TMEM117: variants seen among roughly 807,000 people sequenced by gnomAD.
TMEM117 encodes the protein transmembrane protein 117.
A neutral mutation model predicts 52.4 loss-of-function variants in TMEM117; 27 were observed. That is an observed-to-expected ratio of 0.51 (90% confidence interval 0.38 to 0.71). The LOEUF is 0.71. Among genes scored for constraint, TMEM117 ranks in the 30% least tolerant of loss-of-function variants. TMEM117 has a pLI of 0.00. For missense variants in TMEM117, 556 were observed against 630.5 expected (o/e 0.88, Z 1.26); for synonymous variants, 215 against 206.3 (o/e 1.04, Z -0.36).
chr12:44,137,494 C>G (rs1948507948), intron 3 of TMEM117, among the ~76,000 whole-genome samples: 1 of 152,028 alleles, frequency 6.6e-6, no homozygotes, highest in Non-Finnish European at 1.5e-5. Flanking sequence ...AGTGGAGGTT[C>G]TTCTTATCCA....
intron 4 of TMEM117, among the ~76,000 whole-genome samples, chr12:44,152,637 A>G (rs1283112299): frequency 2.3e-5 from 3 of 129,242 alleles, no homozygotes; most frequent in African/African-American, 8.9e-5. Context: ...TATCATATAT[A>G]AATTTTTATA....
chr12:44,011,236 C>T (rs1946285351), intron 3 of TMEM117, among the ~76,000 whole-genome samples: 1 of 152,158 alleles, frequency 6.6e-6, no homozygotes, highest in African/African-American at 2.4e-5. Flanking sequence ...GTAGGGGATA[C>T]ATTCTAAGAC....
At chr12:44,162,186 C>G (rs529566957) in intron 4 of TMEM117, among the ~76,000 whole-genome samples, 2 of 152,290 alleles carry the variant, frequency 1.3e-5, no homozygotes, top group South Asian at 4.2e-4. Context: ...CAACTTTGGG[C>G]ACTGTATGTG....
At position 44,314,498 on chromosome 12, in the gene TMEM117, G is replaced by GT. The variant is rs201350923; in HGVS notation, c.768+14767dup. 2.1e-3 allele frequency among the ~76,000 whole-genome samples: 309 copies of GT among 150,116 alleles called. 5 individuals are homozygous for GT. Among genetic ancestry groups the GT allele is most frequent in the African/African-American group, 7.1e-3 (289 of 40,972 alleles). On this transcript the variant is annotated intron_variant, in intron 6 of 7. Transcript: ENST00000266534. ...ATATGCTGCTGGATTTCATTTGGCA[G>GT]TTTTTTTTCTTTTTTTGAGGATTTT...
chr12:43,842,200 C>G (rs1943126604), intron 1 of TMEM117, among the ~76,000 whole-genome samples: 1 of 152,126 alleles, frequency 6.6e-6, no homozygotes, highest in African/African-American at 2.4e-5. Context: ...TTCTTCACTA[C>G]TTGCTCTGCT....
chr12:44,378,663 C>T (rs917888962), intron 7 of TMEM117, among the ~76,000 whole-genome samples: 2 of 151,938 alleles, frequency 1.3e-5, no homozygotes, highest in South Asian at 4.2e-4. Flanking sequence ...CTGGTTTGCC[C>T]GAAGGTGGTA....
At chr12:43,833,392 T>G (rs1479849280), upstream of TMEM117, among the ~76,000 whole-genome samples, 4 of 152,180 alleles carry the variant, frequency 2.6e-5, no homozygotes, top group Admixed American at 2.0e-4. Flanking sequence ...CACTATCCCC[T>G]GAAATACAAT....
intron 2 of TMEM117, among the ~76,000 whole-genome samples, chr12:43,886,560 A>T (rs1943998062): frequency 6.6e-6 from 1 of 152,162 alleles, no homozygotes; most frequent in South Asian, 2.1e-4. Context: ...GAGGAAAGAG[A>T]CAGCAATAAT....
At chr12:43,909,041 T>G (rs1319361306) in intron 2 of TMEM117, among the ~76,000 whole-genome samples, 2 of 80,114 alleles carry the variant, frequency 2.5e-5, no homozygotes, top group Non-Finnish European at 3.3e-5. Flanking sequence ...CAACAGAATA[T>G]ACATTTTTTT....
At chr12:43,802,393 G>T in the TMEM117 span, 2 of 1,605,424 alleles carry the variant, frequency 1.2e-6, no homozygotes, top group South Asian at 1.1e-5. Context: ...TCCAACAGGG[G>T]TAAAACAAAG....
chr12:44,178,927 C>T (rs1387199220), intron 4 of TMEM117, among the ~76,000 whole-genome samples: 1 of 152,128 alleles, frequency 6.6e-6, no homozygotes, highest in Non-Finnish European at 1.5e-5. Flanking sequence ...GGTGCAATGG[C>T]TCACACCTGT....
rs567042486 is a variant in TMEM117, at chr12:44,379,230, C to T, written c.898+2506C>T. On this transcript the variant is annotated intron_variant, in intron 7 of 7. Transcript: ENST00000266534. ...AGGAAGTTTGGCATGATGGCACACA[C>T]CTGTGGTCCTAGCCACTTGGGAGGC... Among the ~76,000 whole-genome samples the T allele has an allele frequency of 1.6e-3, 240 of 152,086 alleles. 3 individuals are homozygous for T. The highest frequency in any genetic ancestry group is 5.4e-3 in the African/African-American group (222 of 41,494).
intron 5 of TMEM117, among the ~76,000 whole-genome samples, chr12:44,252,864 G>C (rs911734011): frequency 6.6e-6 from 1 of 152,244 alleles, no homozygotes; most frequent in East Asian, 1.9e-4. Flanking sequence ...TCCTGTCCAG[G>C]AAAAATTTCA....
chr12:44,296,033 C>T (rs1950764691), intron 5 of TMEM117, among the ~76,000 whole-genome samples: 2 of 152,130 alleles, frequency 1.3e-5, no homozygotes, highest in South Asian at 4.1e-4. Flanking sequence ...GTTTTGGGAC[C>T]ACAGTCGACT....
chr12:44,050,470 C>A (rs970586403), intron 3 of TMEM117, among the ~76,000 whole-genome samples: 2 of 152,204 alleles, frequency 1.3e-5, no homozygotes, highest in Admixed American at 1.3e-4. Context: ...AGACACTGTA[C>A]CCGGCTAGAA....
intron 4 of TMEM117, among the ~76,000 whole-genome samples, chr12:44,207,146 G>A (rs908236087): frequency 1.1e-4 from 16 of 152,002 alleles, no homozygotes; most frequent in Non-Finnish European, 2.2e-4. Context: ...TTATGTATAT[G>A]CTTGTTTATT....
At chr12:43,977,076 T>G (rs1043808025) in intron 3 of TMEM117, among the ~76,000 whole-genome samples, 2 of 152,126 alleles carry the variant, frequency 1.3e-5, no homozygotes, top group Non-Finnish European at 2.9e-5. Context: ...ATCTAAGAGA[T>G]GAGCCTAATA....
In TMEM117 at chr12:43,860,162, A is replaced by T. The variant is rs1490082359; in HGVS notation, c.277+15234A>T. On this transcript the variant is annotated intron_variant, in intron 2 of 7. Coordinates refer to ENST00000266534, the MANE Select transcript of TMEM117 (RefSeq NM_032256.3). ...TACATTAGGTATTTCTCCTAATGCT[A>T]TCCCTCCCCTAGTCCCCCCACCCCG... Among the ~76,000 whole-genome samples, 2 of 152,180 alleles carry T rather than the reference A, an allele frequency of 1.3e-5. 1 individual carries two copies. Among genetic ancestry groups the T allele is most frequent in the South Asian group, 4.2e-4 (2 of 4,818 alleles).
chr12:44,004,021 A>T (rs551637160), intron 3 of TMEM117, among the ~76,000 whole-genome samples: 1 of 152,158 alleles, frequency 6.6e-6, no homozygotes, highest in Non-Finnish European at 1.5e-5. Context: ...GAGCCCTTGT[A>T]CTCAAATAAT....
Sources: gnomAD v4.1 joint callset for allele counts (sites outside exome capture counted in the v4.1 genomes callset) on GRCh38, gnomAD v4.1.1 for gene constraint, MANE v1.5 for transcripts, NCBI Gene and HGNC (gene_info 2026-07-23, HGNC 2026-07-21) for gene names.